GPC5: variants seen among roughly 807,000 people sequenced by gnomAD.
GPC5 encodes glypican-5.
GPC5 carries 47 observed loss-of-function variants against 53.9 expected under a neutral mutation model. The ratio of observed to expected loss-of-function variants is 0.87; its 90% CI spans 0.69 to 1.11. The LOEUF is 1.11. GPC5 is among the 50% of genes most tolerant of loss of function. The pLI, the probability that GPC5 is intolerant of heterozygous loss-of-function variation, is 0.00. For synonymous variants in GPC5, 286 were observed against 263.3 expected, an observed-to-expected ratio of 1.09 and a Z score of -0.84; for missense variants, 748 against 713.1, an observed-to-expected ratio of 1.05 and a Z score of -0.56.
chr13:92,853,942 G>A (rs1281044371), intron 7 of GPC5, among the ~76,000 whole-genome samples: 4 of 151,922 alleles, frequency 2.6e-5, no homozygotes, highest in Non-Finnish European at 4.4e-5. Flanking sequence ...CTATAAACTT[G>A]CTGCATCTCT....
chr13:91,719,831 ATT>A (rs56126939), intron 3 of GPC5, among the ~76,000 whole-genome samples: 8 of 148,542 alleles, frequency 5.4e-5, no homozygotes, highest in African/African-American at 1.5e-4. Context: ...CTTCTCCCTC[ATT>A]TTTTTTTTCT....
At chr13:91,486,038 C>G (rs1883590753) in intron 2 of GPC5, 1 of 152,240 alleles carries the variant, frequency 6.6e-6, no homozygotes, top group Non-Finnish European at 1.5e-5. Context: ...CTGCCTGCCA[C>G]CTGGCTCAGG....
intron 7 of GPC5, among the ~76,000 whole-genome samples, chr13:92,435,788 G>C (rs899519936): frequency 6.6e-6 from 1 of 152,188 alleles, no homozygotes; most frequent in Non-Finnish European, 1.5e-5. Flanking sequence ...GCAATTCAGA[G>C]ATGGTCCATA....
intron 7 of GPC5, among the ~76,000 whole-genome samples, chr13:92,467,556 TACAC>T (rs1878745299): frequency 6.6e-6 from 1 of 152,108 alleles, no homozygotes; most frequent in South Asian, 2.1e-4. Flanking sequence ...CTTACAGACA[TACAC>T]ACAAAGAAAT....
intron 7 of GPC5, among the ~76,000 whole-genome samples, chr13:92,665,632 A>G (rs1465463963): frequency 6.6e-6 from 1 of 152,184 alleles, no homozygotes; most frequent in African/African-American, 2.4e-5. Flanking sequence ...TCTGAACCGG[A>G]ATATCTTAAT....
intron 2 of GPC5, among the ~76,000 whole-genome samples, chr13:91,670,455 TG>T (rs575841455): frequency 9.7e-4 from 148 of 152,272 alleles, no homozygotes; most frequent in African/African-American, 2.8e-3. Context: ...AATGTTAGTG[TG>T]GGATTAGGCA....
At chr13:91,724,473 C>T (rs2036537784) in intron 3 of GPC5, among the ~76,000 whole-genome samples, 1 of 151,732 alleles carries the variant, frequency 6.6e-6, no homozygotes, top group Non-Finnish European at 1.5e-5. Flanking sequence ...ATTTCCTTTT[C>T]AATTTGTAAT....
intron 6 of GPC5, among the ~76,000 whole-genome samples, chr13:91,928,019 T>G (rs760054786): frequency 1.3e-5 from 2 of 152,194 alleles, no homozygotes; most frequent in African/African-American, 4.8e-5. Context: ...TAAGATAAAG[T>G]CAGGGCAACT....
intron 3 of GPC5, 48 bp from the exon 4 acceptor site, chr13:91,728,484 A>C: frequency 6.4e-7 from 1 of 1,569,130 alleles, no homozygotes. Flanking sequence ...ATTCTCAGAA[A>C]GGTGGAGTAC....
intron 7 of GPC5, among the ~76,000 whole-genome samples, chr13:92,605,715 G>A (rs572332152): frequency 6.6e-6 from 1 of 151,282 alleles, no homozygotes; most frequent in African/African-American, 2.4e-5. Context: ...TCAGCCTCCC[G>A]AGTAGCTGGG....
intron 7 of GPC5, among the ~76,000 whole-genome samples, chr13:92,259,094 A>G (rs1467795811): frequency 6.6e-6 from 1 of 152,214 alleles, no homozygotes; most frequent in African/African-American, 2.4e-5. Flanking sequence ...TGATGAGTTT[A>G]CAGAACCTTG....
At chr13:92,013,536 C>G (rs1384817989) in intron 6 of GPC5, among the ~76,000 whole-genome samples, 1 of 152,112 alleles carries the variant, frequency 6.6e-6, no homozygotes, top group Non-Finnish European at 1.5e-5. Flanking sequence ...GGCAAAAAGG[C>G]ATTATTCAAA....
intron 7 of GPC5, among the ~76,000 whole-genome samples, chr13:92,322,252 A>G (rs903724430): frequency 6.7e-6 from 1 of 149,616 alleles, no homozygotes; most frequent in Admixed American, 6.6e-5. Context: ...CAAGCAAGTA[A>G]CCAAGTAGAT....
At chr13:92,720,443 T>A (rs1400312501) in intron 7 of GPC5, among the ~76,000 whole-genome samples, 1 of 152,130 alleles carries the variant, frequency 6.6e-6, no homozygotes, top group African/African-American at 2.4e-5. Context: ...ATATTTGATT[T>A]TTCATGGGCC....
intron 7 of GPC5, among the ~76,000 whole-genome samples, chr13:92,471,132 G>A (rs1291935671): frequency 1.3e-5 from 2 of 152,136 alleles, no homozygotes; most frequent in Admixed American, 1.3e-4. Flanking sequence ...AACATGGAAG[G>A]GGATGTGGAC....
chr13:91,711,427 G>A (rs1177807158), intron 3 of GPC5, among the ~76,000 whole-genome samples: 2 of 151,924 alleles, frequency 1.3e-5, no homozygotes, highest in African/African-American at 4.8e-5. Flanking sequence ...ACACAGGGTG[G>A]GGAACATCAC....
intron 5 of GPC5, among the ~76,000 whole-genome samples, chr13:91,881,253 GAAGTA>G (rs2039261140): frequency 6.6e-6 from 1 of 151,916 alleles, no homozygotes; most frequent in African/African-American, 2.4e-5. Flanking sequence ...CCTAAAAATT[GAAGTA>G]AATATATAAA....
intron 7 of GPC5, among the ~76,000 whole-genome samples, chr13:92,255,897 T>G (rs538769800): frequency 1.3e-5 from 2 of 152,240 alleles, no homozygotes; most frequent in Non-Finnish European, 2.9e-5. Flanking sequence ...GAGTACAGAG[T>G]GTTTAGAAGG....
intron 6 of GPC5, among the ~76,000 whole-genome samples, chr13:91,985,186 C>T (rs2040395444): frequency 1.3e-5 from 2 of 152,110 alleles, no homozygotes; most frequent in Admixed American, 1.3e-4. Context: ...GTTAAACTGC[C>T]CCTTTTATCG....
Sources: gnomAD v4.1 joint callset for allele counts (sites outside exome capture counted in the v4.1 genomes callset) on GRCh38, gnomAD v4.1.1 for gene constraint, MANE v1.5 for transcripts, NCBI Gene and HGNC (gene_info 2026-07-23, HGNC 2026-07-21) for gene names.